Variants in ACACA observed in about 807,000 individuals in gnomAD.
The protein encoded by ACACA is acetyl-CoA carboxylase 1.
In ACACA, 103 loss-of-function variants were observed where a neutral mutation model predicts 296.1. The ratio of observed to expected loss-of-function variants is 0.35; its 90% CI spans 0.30 to 0.41. ACACA has a LOEUF of 0.41. ACACA is among the 10% of genes least tolerant of loss of function. ACACA has a pLI of 1.00. For synonymous variants in ACACA, 953 were observed against 1,038.6 expected (o/e 0.92, Z 1.58); for missense variants, 1,554 against 2,989.7 (o/e 0.52, Z 11.20).
chr17:37,282,170 T>TA (rs1374698986), intron 5 of ACACA, among the ~76,000 whole-genome samples: 1 of 152,214 alleles, frequency 6.6e-6, no homozygotes, highest in African/African-American at 2.4e-5. Context: ...TCCTTGATGA[T>TA]ACGTGAGTTC....
intron 3 of ACACA, among the ~76,000 whole-genome samples, chr17:37,322,661 G>C (rs1484656663): frequency 6.6e-6 from 1 of 152,140 alleles, no homozygotes; most frequent in Non-Finnish European, 1.5e-5. Flanking sequence ...ACAAGTGATT[G>C]AACATCAAGA....
chr17:37,287,232 T>C (rs2082817414), intron 3 of ACACA, among the ~76,000 whole-genome samples: 1 of 152,196 alleles, frequency 6.6e-6, no homozygotes, highest in Non-Finnish European at 1.5e-5. Flanking sequence ...AATAAGAAGG[T>C]ATGATTAAAA....
At chr17:37,136,242 A>ACCATTGAT (rs1396680250) in intron 45 of ACACA, among the ~76,000 whole-genome samples, 7 of 151,816 alleles carry the variant, frequency 4.6e-5, no homozygotes, top group Non-Finnish European at 1.0e-4. Context: ...ACCCCTAACA[A>ACCATTGAT]CCATTGATCT....
chr17:37,316,620 T>C (rs1487956968), intron 3 of ACACA, among the ~76,000 whole-genome samples: 9 of 152,160 alleles, frequency 5.9e-5, no homozygotes, highest in Non-Finnish European at 1.3e-4. Context: ...GTACTGCCAC[T>C]ACGGAAAGCA....
chr17:37,188,387 G>A lies in ACACA; in HGVS notation c.4666C>T (p.Leu1556=), dbSNP rs752959818. ...LQAELKINIR[L]TPTGKAIPIR... is the part of the protein sequence containing the mutation. ...GGAATTGCTTTTCCAGTTGGCGTCA[G>A]GCGAATGTTGATTTTCAGTTCTGCC... Residue 1556 remains leucine (L), a synonymous_variant, in exon 39 of 56, where the codon CTG becomes TTG. Coordinates refer to ENST00000616317, the MANE Select transcript of ACACA (RefSeq NM_198834.3). 3.7e-6 allele frequency: 6 copies of A among 1,614,142 alleles called. No homozygotes were observed. The East Asian group carries it at 6.7e-5, about 18-fold the overall frequency.
rs146855680 is a variant in ACACA, at chr17:37,231,161, T to C, written c.3246+3814A>G. 3.3e-5 allele frequency among the ~76,000 whole-genome samples: 5 copies of C among 151,850 alleles called. No individual in the cohort carries two copies. In the East Asian group the frequency reaches 9.7e-4, roughly 29 times the overall value. ...GGCCAAGATGGGAGGCCGAGACCGT[T>C]TGAGCACAGAAGTTTGACAGCAGCC... On this transcript the variant is annotated intron_variant, in intron 25 of 55. Transcript: ENST00000616317.
At chr17:37,390,334 A>ATATATATATATATATATATAT (rs2050822111) in intron 1 of ACACA, among the ~76,000 whole-genome samples, 14 of 93,408 alleles carry the variant, frequency 1.5e-4, no homozygotes, top group African/African-American at 3.6e-4. Flanking sequence ...ATATATATAT[A>ATATATATATATATATATATAT]AAAGGCCAGC....
At chr17:37,376,065 T>C (rs1379855591) in intron 1 of ACACA, 9 of 1,596,280 alleles carry the variant, frequency 5.6e-6, no homozygotes, top group Non-Finnish European at 7.7e-6. Context: ...CAGTGGTCTG[T>C]CTGCAATGAG....
At chr17:37,290,070 CAG>C (rs2082973267) in intron 3 of ACACA, among the ~76,000 whole-genome samples, 1 of 151,766 alleles carries the variant, frequency 6.6e-6, no homozygotes, top group African/African-American at 2.4e-5. Context: ...TTTTTTTAGA[CAG>C]AGTCTCACTC....
intron 33 of ACACA, among the ~76,000 whole-genome samples, chr17:37,203,983 T>A (rs1007992400): frequency 3.3e-5 from 5 of 152,228 alleles, no homozygotes; most frequent in Non-Finnish European, 7.3e-5. Context: ...CGTCATGGAA[T>A]AAGTACTAAG....
At chr17:37,394,496 C>T (rs901930988) in intron 1 of ACACA, among the ~76,000 whole-genome samples, 2 of 151,728 alleles carry the variant, frequency 1.3e-5, no homozygotes, top group African/African-American at 2.4e-5. Context: ...AAAGTCCAGG[C>T]GTGAGCCACT....
At position 37,330,170 on chromosome 17, in the gene ACACA, T is replaced by C. The variant is rs1250019168; in HGVS notation, c.338+3A>G. ...ATAAGTAGACCATTGAACTCTCTCT[T>C]ACCTTATGTGCAAGGCCAAGCCATC... On this transcript the variant is annotated splice_donor_region_variant and intron_variant, in intron 3 of 55. Transcript: ENST00000616317. The C allele has an allele frequency of 1.9e-6, 3 of 1,614,124 alleles. No individual in the cohort carries two copies. Among genetic ancestry groups the C allele is most frequent in the Non-Finnish European group, 2.5e-6 (3 of 1,180,012 alleles).
chr17:37,399,083 G>A (rs781686919), intron 1 of ACACA, among the ~76,000 whole-genome samples: 2 of 151,308 alleles, frequency 1.3e-5, no homozygotes, highest in East Asian at 4.0e-4. Context: ...GGGTTCAAGC[G>A]ATTCTCCTGC....
chr17:37,386,205 C>T, intron 1 of ACACA: 1 of 881,410 alleles, frequency 1.1e-6, no homozygotes, highest in Non-Finnish European at 1.7e-6. Flanking sequence ...ATTTTTAGCC[C>T]CAGCGTTAGT....
chr17:37,114,251 C>T (rs62069491), intron 50 of ACACA, among the ~76,000 whole-genome samples: 3,149 of 152,114 alleles, frequency 0.021, 59 homozygotes, highest in Non-Finnish European at 0.031. Flanking sequence ...CTAAAGACTA[C>T]ACTTTGTAGA....
intron 39 of ACACA, among the ~76,000 whole-genome samples, chr17:37,184,467 T>C (rs907269156): frequency 6.6e-6 from 1 of 152,222 alleles, no homozygotes; most frequent in Admixed American, 6.5e-5. Context: ...CCTTGGAACA[T>C]GTCAGAGCTC....
chr17:37,345,716 A>G (rs2048585076), intron 1 of ACACA, among the ~76,000 whole-genome samples: 1 of 152,236 alleles, frequency 6.6e-6, no homozygotes, highest in South Asian at 2.1e-4. Flanking sequence ...TAGTTTAATC[A>G]TGAGAAAATA....
chr17:37,255,353 G>A (rs1246579524), intron 14 of ACACA, among the ~76,000 whole-genome samples: 1 of 152,162 alleles, frequency 6.6e-6, no homozygotes, highest in Non-Finnish European at 1.5e-5. Flanking sequence ...CAAACCCCAA[G>A]CTGAGATATA....
At chr17:37,283,584 T>C (rs921152817) in intron 4 of ACACA, among the ~76,000 whole-genome samples, 179 bp from the exon 5 acceptor site, 3 of 152,230 alleles carry the variant, frequency 2.0e-5, no homozygotes, top group African/African-American at 7.2e-5. Flanking sequence ...CCAAGCAGTA[T>C]CTTTAAATGT....
Sources: allele counts gnomAD v4.1 joint callset (sites outside exome capture counted in the v4.1 genomes callset), GRCh38; gene constraint gnomAD v4.1.1; transcripts MANE v1.5; gene names NCBI Gene and HGNC (gene_info 2026-07-23, HGNC 2026-07-21).